The following TAFA5 variants were observed in gnomAD, a reference collection of about 807,000 sequenced individuals.
The protein encoded by TAFA5 is TAFA chemokine like family member 5.
TAFA5 carries 6 observed loss-of-function variants against 15.3 expected under a neutral mutation model. The observed-to-expected ratio is 0.39, with a 90% CI of 0.21 to 0.77. The LOEUF is 0.77. Among genes scored for constraint, TAFA5 ranks in the 30% least tolerant of loss-of-function variants. The pLI, the probability that TAFA5 is intolerant of heterozygous loss-of-function variation, is 0.41. For missense variants in TAFA5, 161 were observed against 193.1 expected (o/e 0.83, Z 0.98); for synonymous variants, 103 against 80.7 (o/e 1.28, Z -1.48).
At position 48,489,736 on chromosome 22, in the gene TAFA5, G is replaced by A; in HGVS notation, c.112+32G>A. The A allele has an allele frequency of 7.6e-7, 1 of 1,317,278 alleles. No individual in the cohort carries two copies. Among genetic ancestry groups the A allele is most frequent in the Non-Finnish European group, 1.0e-6 (1 of 1,003,788 alleles). The allele number at this position is 1,317,278 out of a possible 1,614,324, so 81.6% of individuals were successfully genotyped here. ...ACCGCGCGGCCCCGGCCCCGGCACG[G>A]CCCTCTGGGCCCCGGACCCCCTCCT... On this transcript the variant is annotated intron_variant, in intron 1 of 3. Transcript: ENST00000402357. The surrounding 1 kb of genome is among the most constrained non-coding windows in gnomAD (Gnocchi z 5.5).
intron 1 of TAFA5, among the ~76,000 whole-genome samples, chr22:48,583,926 C>G (rs1249098035): frequency 7.7e-6 from 1 of 129,536 alleles, no homozygotes; most frequent in African/African-American, 2.9e-5. Context: ...ACACCACACA[C>G]ACACCACACA....
At position 48,520,492 on chromosome 22, in the gene TAFA5, G is replaced by A. The variant is rs370325952; in HGVS notation, c.112+30788G>A. 6.8e-4 allele frequency among the ~76,000 whole-genome samples: 103 copies of A among 152,356 alleles called. No homozygotes were observed. In the East Asian group the frequency reaches 0.015, roughly 23 times the overall value. ...GGCCAACTGCCATCTGATTCTGCAGGTGGGACACCCTATTGGATGAAGTGT... is the reference window on the plus strand; with the variant it reads ...GGCCAACTGCCATCTGATTCTGCAGATGGGACACCCTATTGGATGAAGTGT... On this transcript the variant is annotated intron_variant, in intron 1 of 3. Coordinates refer to ENST00000402357, the MANE Select transcript of TAFA5 (RefSeq NM_001082967.3).
chr22:48,717,466 C>T (rs1434417941), intron 3 of TAFA5, among the ~76,000 whole-genome samples: 1 of 152,232 alleles, frequency 6.6e-6, no homozygotes, highest in African/African-American at 2.4e-5. Flanking sequence ...AATGAAGAAG[C>T]ACCCAATGTT....
At chr22:48,707,034 A>C (rs1929099476) in intron 2 of TAFA5, among the ~76,000 whole-genome samples, 2 of 152,180 alleles carry the variant, frequency 1.3e-5, no homozygotes, top group Non-Finnish European at 2.9e-5. Context: ...CAGTGCCCCC[A>C]TCCACCTGGC....
At position 48,552,029 on chromosome 22, in the gene TAFA5, C is replaced by A. The variant is rs527634127; in HGVS notation, c.112+62325C>A. Among the ~76,000 whole-genome samples the A allele has an allele frequency of 1.3e-5, 2 of 152,350 alleles. No individual in the cohort carries two copies. The highest frequency in any genetic ancestry group is 3.9e-4 in the East Asian group (2 of 5,184). On this transcript the variant is annotated intron_variant, in intron 1 of 3. Coordinates refer to ENST00000402357, the MANE Select transcript of TAFA5 (RefSeq NM_001082967.3). This position sits in a 1 kb window ranked among gnomAD's most constrained non-coding sequence, Gnocchi z 4.1. ...CACGCCCTGCGATGGCCGTTCAGCT[C>A]TGACTGTCCTCCCGGCAGGAAGCGT...
intron 2 of TAFA5, among the ~76,000 whole-genome samples, chr22:48,684,892 G>A (rs1278532473): frequency 6.6e-6 from 1 of 152,248 alleles, no homozygotes; most frequent in African/African-American, 2.4e-5. Context: ...CTGATAGGCT[G>A]TGTTGACCAA....
rs1922903363 is a variant in TAFA5 at position 48,552,828 on chromosome 22, G to T, written c.112+63124G>T. Reference sequence around the variant, plus strand: ...ATTGCACCTATATGGGGCTTCCAGGGCTCACCCCGAGGGAGGAGGCCCAGA... The same window carrying T: ...ATTGCACCTATATGGGGCTTCCAGGTCTCACCCCGAGGGAGGAGGCCCAGA... On this transcript the variant is annotated intron_variant, in intron 1 of 3. Coordinates refer to ENST00000402357, the MANE Select transcript of TAFA5 (RefSeq NM_001082967.3). This position sits in a 1 kb window ranked among gnomAD's most constrained non-coding sequence, Gnocchi z 4.1. 6.6e-6 allele frequency among the ~76,000 whole-genome samples: 1 copy of T among 152,100 alleles called. No homozygotes were observed. Among genetic ancestry groups the T allele is most frequent in the South Asian group, 2.1e-4 (1 of 4,822 alleles).
At chr22:48,518,557 G>C (rs1254605771) in intron 1 of TAFA5, among the ~76,000 whole-genome samples, 1 of 152,170 alleles carries the variant, frequency 6.6e-6, no homozygotes, top group African/African-American at 2.4e-5. Context: ...CAAAGGCTCG[G>C]AAAGAACCCA....
At chr22:48,562,180 C>G (rs1450519847) in intron 1 of TAFA5, among the ~76,000 whole-genome samples, 2 of 152,086 alleles carry the variant, frequency 1.3e-5, no homozygotes, top group Non-Finnish European at 2.9e-5. Context: ...CTCTGTCGCC[C>G]AGGTTGGAGT....
chr22:48,518,956 C>G (rs943012299), intron 1 of TAFA5, among the ~76,000 whole-genome samples: 5 of 152,162 alleles, frequency 3.3e-5, no homozygotes, highest in Non-Finnish European at 7.3e-5. Context: ...CCCAGCTCAC[C>G]TGTCCGTCAA....
chr22:48,684,942 C>T (rs994912244), intron 2 of TAFA5, among the ~76,000 whole-genome samples: 26 of 152,328 alleles, frequency 1.7e-4, no homozygotes, highest in African/African-American at 6.0e-4. Context: ...GGTTTATTCT[C>T]CGCCAGTGAC....
intron 1 of TAFA5, among the ~76,000 whole-genome samples, chr22:48,537,716 G>T (rs76960051): frequency 6.6e-6 from 1 of 152,142 alleles, no homozygotes. Flanking sequence ...GGCCCTGGAG[G>T]CCCCTTTCTG....
chr22:48,562,726 C>A (rs1245804043), intron 1 of TAFA5, among the ~76,000 whole-genome samples: 1 of 152,212 alleles, frequency 6.6e-6, no homozygotes, highest in Non-Finnish European at 1.5e-5. Flanking sequence ...GACAGCCAGG[C>A]CCCCACGCCC....
rs181301189 is a variant in TAFA5 at position 48,712,272 on chromosome 22, G to A, written c.390+4428G>A. ...GGGTTTCACCATGTTGGCCAGGCTC[G>A]TCTCAAACTCCTGACCTCAGGTGAT... is the stretch of plus-strand genomic sequence containing the variant. On this transcript the variant is annotated intron_variant, in intron 3 of 3. Coordinates refer to ENST00000402357, the MANE Select transcript of TAFA5 (RefSeq NM_001082967.3). Among the ~76,000 whole-genome samples the A allele has an allele frequency of 3.5e-3, 533 of 152,292 alleles. 3 individuals carry two copies. The highest frequency in any genetic ancestry group is 0.011 in the African/African-American group (471 of 41,574).
chr22:48,649,928 CCAGGAGCCTCCTGGTGCCT>C (rs1426998598), intron 2 of TAFA5, among the ~76,000 whole-genome samples: 1 of 152,160 alleles, frequency 6.6e-6, no homozygotes, highest in Non-Finnish European at 1.5e-5. Context: ...TTTCCTCTCA[CCAGGAGCCTCCTGGTGCCT>C]CAGGAGCCGG....
At chr22:48,508,788 C>T (rs531172784) in intron 1 of TAFA5, among the ~76,000 whole-genome samples, 7 of 152,302 alleles carry the variant, frequency 4.6e-5, no homozygotes, top group African/African-American at 1.2e-4. Flanking sequence ...GCACACCCAT[C>T]GCCTCAACAT....
At chr22:48,545,639 G>C (rs959477425) in intron 1 of TAFA5, 1 of 152,596 alleles carries the variant, frequency 6.6e-6, no homozygotes, top group Non-Finnish European at 1.5e-5. Flanking sequence ...AGACAGGGCC[G>C]ACACCCAGAA....
At chr22:48,558,908 A>G (rs937680776) in intron 1 of TAFA5, among the ~76,000 whole-genome samples, 3 of 152,226 alleles carry the variant, frequency 2.0e-5, no homozygotes, top group African/African-American at 7.2e-5. Context: ...GAATAGGAGC[A>G]TGGCGGGAAA....
At chr22:48,701,193 G>A (rs960458473) in intron 2 of TAFA5, among the ~76,000 whole-genome samples, 3 of 152,200 alleles carry the variant, frequency 2.0e-5, no homozygotes, top group Admixed American at 1.3e-4. Context: ...ATGGGGCAGA[G>A]GGTAGAGGCC....
Sources: allele counts gnomAD v4.1 joint callset (sites outside exome capture counted in the v4.1 genomes callset), GRCh38; gene constraint gnomAD v4.1.1; non-coding constraint Gnocchi (gnomAD v3.1); transcripts MANE v1.5; gene names NCBI Gene and HGNC (gene_info 2026-07-23, HGNC 2026-07-21).